The following RNF141 variants were observed in gnomAD, a reference collection of about 807,000 sequenced individuals.
RNF141 encodes C3HC4-like zinc finger protein.
In RNF141, 18 loss-of-function variants were observed where a neutral mutation model predicts 27.4. The ratio of observed to expected loss-of-function variants is 0.66; its 90% CI spans 0.45 to 0.97. The LOEUF (loss-of-function observed/expected upper bound fraction) is 0.97, where lower values mean the gene tolerates loss of function less well. RNF141 is among the 50% of genes least tolerant of loss of function. RNF141 has a pLI of 0.00. For synonymous variants in RNF141, 97 were observed against 96.6 expected (o/e 1.00, Z -0.02); for missense variants, 230 against 279.4 (o/e 0.82, Z 1.26).
chr11:10,536,376 C>T (rs1277251480), intron 1 of RNF141, among the ~76,000 whole-genome samples: 1 of 152,062 alleles, frequency 6.6e-6, no homozygotes, highest in Non-Finnish European at 1.5e-5. Context: ...AAACTGGCAC[C>T]AAGAGTTGGG....
chr11:10,528,380 C>T (rs913768130), intron 3 of RNF141, among the ~76,000 whole-genome samples: 17 of 152,084 alleles, frequency 1.1e-4, no homozygotes, highest in Non-Finnish European at 2.2e-4. Flanking sequence ...AGAAAAATCA[C>T]ATGAAAAAAT....
chr11:10,536,916 G>A (rs1324304311), intron 1 of RNF141, among the ~76,000 whole-genome samples: 2 of 152,164 alleles, frequency 1.3e-5, no homozygotes, highest in African/African-American at 4.8e-5. Context: ...TGAAAAGTCT[G>A]TATTCAGCTC....
At chr11:10,515,140 T>C in intron 5 of RNF141, 74 bp from the exon 6 acceptor site, 5 of 1,443,408 alleles carry the variant, frequency 3.5e-6, no homozygotes, top group Non-Finnish European at 4.7e-6. Flanking sequence ...AAGTAATACA[T>C]GCACATGGCT....
chr11:10,521,101 T>G (rs1208942111), intron 4 of RNF141, among the ~76,000 whole-genome samples: 1 of 152,178 alleles, frequency 6.6e-6, no homozygotes, highest in African/African-American at 2.4e-5. Context: ...GAAAAAAGAT[T>G]TCAAACCTTT....
intron 1 of RNF141, among the ~76,000 whole-genome samples, chr11:10,539,633 T>A (rs1415120274): frequency 2.5e-5 from 3 of 118,028 alleles, no homozygotes; most frequent in African/African-American, 9.4e-5. Context: ...CCAGAGTCAC[T>A]ATAGAGTCCA....
chr11:10,521,652 A>G (rs1056321715), intron 4 of RNF141, among the ~76,000 whole-genome samples: 5 of 152,238 alleles, frequency 3.3e-5, no homozygotes, highest in African/African-American at 1.2e-4. Context: ...AGTAAGTGCT[A>G]AGTAAAGAAG....
At chr11:10,525,151 A>G in intron 4 of RNF141, 41 bp downstream of exon 4, 1 of 1,405,848 alleles carries the variant, frequency 7.1e-7, no homozygotes, top group Non-Finnish European at 9.6e-7. Flanking sequence ...TTGTTTTCAT[A>G]TTAGAAAATA....
intron 3 of RNF141, among the ~76,000 whole-genome samples, 159 bp from the exon 4 acceptor site, chr11:10,525,532 T>C (rs924082987): frequency 6.6e-6 from 1 of 152,172 alleles, no homozygotes; most frequent in Non-Finnish European, 1.5e-5. Context: ...AAATGAGTAA[T>C]ACCATGTCCC....
intron 2 of RNF141, among the ~76,000 whole-genome samples, chr11:10,531,060 A>G (rs1231804800): frequency 6.6e-6 from 1 of 152,114 alleles, no homozygotes; most frequent in Non-Finnish European, 1.5e-5. Flanking sequence ...TTTAGGAAAA[A>G]CAAGTCTTAG....
intron 4 of RNF141, 27 bp from the exon 5 acceptor site, chr11:10,519,168 A>T (rs779993060): frequency 6.4e-7 from 1 of 1,574,010 alleles, no homozygotes; most frequent in African/African-American, 1.3e-5. Context: ...GAGCTGAAAC[A>T]ATTATATTCT....
At chr11:10,519,167 C>G in intron 4 of RNF141, 26 bp from the exon 5 acceptor site, 6 of 1,572,836 alleles carry the variant, frequency 3.8e-6, no homozygotes, top group Non-Finnish European at 4.4e-6. Flanking sequence ...TGAGCTGAAA[C>G]AATTATATTC....
intron 3 of RNF141, among the ~76,000 whole-genome samples, chr11:10,530,363 G>C (rs1219245473): frequency 6.6e-6 from 1 of 152,000 alleles, no homozygotes; most frequent in Non-Finnish European, 1.5e-5. Flanking sequence ...TCCACAGCCA[G>C]CTAAAAACCC....
intron 5 of RNF141, chr11:10,517,632 T>C (rs1348540365): frequency 6.6e-6 from 1 of 151,988 alleles, no homozygotes; most frequent in African/African-American, 2.4e-5. Context: ...AAATGGCACA[T>C]TACCTACAGA....
intron 2 of RNF141, chr11:10,532,077 T>C (rs1021560223): frequency 5.3e-5 from 22 of 417,046 alleles, no homozygotes; most frequent in Non-Finnish European, 8.9e-5. Context: ...GATGGTTTTA[T>C]AGGGTACATT....
intron 4 of RNF141, among the ~76,000 whole-genome samples, chr11:10,524,498 A>G (rs1439141715): frequency 6.6e-6 from 1 of 152,252 alleles, no homozygotes; most frequent in Non-Finnish European, 1.5e-5. Context: ...TATGACAGTA[A>G]GACAGGATGT....
intron 2 of RNF141, chr11:10,531,925 C>T (rs562213879): frequency 4.9e-6 from 2 of 406,724 alleles, no homozygotes; most frequent in East Asian, 8.5e-5. Context: ...TTTAATTCTA[C>T]AGTTCTCGGA....
intron 4 of RNF141, among the ~76,000 whole-genome samples, chr11:10,524,278 G>T (rs1849913164): frequency 6.6e-6 from 1 of 152,186 alleles, no homozygotes; most frequent in African/African-American, 2.4e-5. Flanking sequence ...AGCCGGGCGT[G>T]GTGGCGGGCG....
chr11:10,525,411 A>G, intron 3 of RNF141, 38 bp from the exon 4 acceptor site: 1 of 1,498,164 alleles, frequency 6.7e-7, no homozygotes, highest in South Asian at 1.3e-5. Flanking sequence ...AAAGTTGATC[A>G]TTTCTCTGAC....
At chr11:10,534,349 ACT>A (rs1850015494) in intron 1 of RNF141, 144 bp from the exon 2 acceptor site, 18 of 546,226 alleles carry the variant, frequency 3.3e-5, no homozygotes, top group Admixed American at 7.2e-5. Context: ...AATTTAAATG[ACT>A]CTGTTTTCAG....
Sources: gnomAD v4.1 joint callset for allele counts (sites outside exome capture counted in the v4.1 genomes callset) on GRCh38, gnomAD v4.1.1 for gene constraint, MANE v1.5 for transcripts, NCBI Gene and HGNC (gene_info 2026-07-23, HGNC 2026-07-21) for gene names.